SSBP2: variants seen among roughly 807,000 people sequenced by gnomAD.
SSBP2 encodes the protein single-stranded DNA-binding protein 2.
In SSBP2, 17 loss-of-function variants were observed where a neutral mutation model predicts 61.8. The observed-to-expected ratio is 0.28, with a 90% CI of 0.19 to 0.41. The LOEUF (loss-of-function observed/expected upper bound fraction) is 0.41. Among genes scored for constraint, SSBP2 ranks in the 10% least tolerant of loss-of-function variants. The pLI is 1.00. For synonymous variants in SSBP2, 139 were observed against 141.3 expected (o/e 0.98, Z 0.12); for missense variants, 310 against 458.7 (o/e 0.68, Z 2.96).
At chr5:81,590,950 G>A (rs542871856) in intron 4 of SSBP2, among the ~76,000 whole-genome samples, 95 of 152,286 alleles carry the variant, frequency 6.2e-4, no homozygotes, top group Non-Finnish European at 1.0e-3. Context: ...CCCCTGAGAC[G>A]CAGGGAAACA....
intron 15 of SSBP2, among the ~76,000 whole-genome samples, chr5:81,433,454 A>G (rs1376499794): frequency 1.3e-5 from 2 of 152,058 alleles, no homozygotes; most frequent in South Asian, 4.1e-4. Flanking sequence ...TCAAGTACCC[A>G]GGGACACAAA....
chr5:81,436,298 G>C (rs1004649705), intron 15 of SSBP2, among the ~76,000 whole-genome samples: 2 of 148,320 alleles, frequency 1.3e-5, no homozygotes, highest in East Asian at 4.1e-4. Context: ...AGGCAATTTT[G>C]TTTTGAAAAC....
At chr5:81,665,193 G>A (rs1007842751) in intron 1 of SSBP2, among the ~76,000 whole-genome samples, 16 of 152,162 alleles carry the variant, frequency 1.1e-4, no homozygotes, top group Non-Finnish European at 1.9e-4. Context: ...CCATCCATGA[G>A]CATAGATGGT....
intron 1 of SSBP2, among the ~76,000 whole-genome samples, chr5:81,718,780 G>A (rs1309912263): frequency 6.6e-6 from 1 of 152,168 alleles, no homozygotes; most frequent in East Asian, 1.9e-4. Flanking sequence ...GGAAATCTAA[G>A]TAAGAAATGC....
At chr5:81,733,833 GGGC>G (rs1756424702) in intron 1 of SSBP2, among the ~76,000 whole-genome samples, 21 of 152,064 alleles carry the variant, frequency 1.4e-4, no homozygotes, top group Admixed American at 1.4e-3. Context: ...TGTCTGAATA[GGGC>G]TCTGAATACT....
chr5:81,534,666 C>A (rs979663072), intron 4 of SSBP2, among the ~76,000 whole-genome samples: 7 of 151,676 alleles, frequency 4.6e-5, no homozygotes, highest in Non-Finnish European at 1.0e-4. Context: ...ACAGGAAAGT[C>A]AAGAGAAAAA....
intron 5 of SSBP2, among the ~76,000 whole-genome samples, chr5:81,509,219 C>T (rs945068765): frequency 1.3e-5 from 2 of 152,178 alleles, no homozygotes; most frequent in Admixed American, 6.5e-5. Context: ...CACATCAGCT[C>T]TTTTCCAGTT....
chr5:81,521,225 T>C (rs1163037990), intron 4 of SSBP2, among the ~76,000 whole-genome samples: 2 of 152,004 alleles, frequency 1.3e-5, no homozygotes, highest in Admixed American at 6.6e-5. Context: ...ATTTTTCCTA[T>C]TCTATATCTC....
At chr5:81,698,151 G>C (rs1272390259) in intron 1 of SSBP2, among the ~76,000 whole-genome samples, 1 of 152,014 alleles carries the variant, frequency 6.6e-6, no homozygotes, top group Non-Finnish European at 1.5e-5. Flanking sequence ...GAAAGTAAAA[G>C]ATCTGTAATA....
chr5:81,663,189 C>G (rs1750833784), intron 1 of SSBP2, among the ~76,000 whole-genome samples: 1 of 152,148 alleles, frequency 6.6e-6, no homozygotes, highest in African/African-American at 2.4e-5. Context: ...TGTGGATTCA[C>G]AAACAAGTTT....
At chr5:81,449,329 A>G (rs1763614285) in intron 10 of SSBP2, among the ~76,000 whole-genome samples, 1 of 152,238 alleles carries the variant, frequency 6.6e-6, no homozygotes, top group South Asian at 2.1e-4. Context: ...TCTAGAGATT[A>G]GAAGGTATTA....
intron 1 of SSBP2, among the ~76,000 whole-genome samples, chr5:81,708,756 A>G (rs1248129659): frequency 1.3e-5 from 2 of 151,996 alleles, no homozygotes; most frequent in South Asian, 2.1e-4. Flanking sequence ...TTTTTCAGCT[A>G]AAGACTTTTC....
chr5:81,458,753 A>G (rs939294768), intron 10 of SSBP2, among the ~76,000 whole-genome samples: 1 of 152,198 alleles, frequency 6.6e-6, no homozygotes, highest in Non-Finnish European at 1.5e-5. Context: ...AAAATGATCC[A>G]TGGTTTTTGG....
At chr5:81,601,725 T>G (rs572279815) in intron 4 of SSBP2, among the ~76,000 whole-genome samples, 1 of 152,220 alleles carries the variant, frequency 6.6e-6, no homozygotes, top group Non-Finnish European at 1.5e-5. Flanking sequence ...GTCCCCATAA[T>G]CACCAAAGCA....
chr5:81,523,414 GT>G (rs1039975290), intron 4 of SSBP2, among the ~76,000 whole-genome samples: 3 of 151,774 alleles, frequency 2.0e-5, no homozygotes, highest in Non-Finnish European at 4.4e-5. Context: ...TAAGCAATTT[GT>G]TTCGAGAAAA....
intron 4 of SSBP2, among the ~76,000 whole-genome samples, chr5:81,607,625 T>C (rs1745008417): frequency 6.6e-6 from 1 of 152,220 alleles, no homozygotes; most frequent in Non-Finnish European, 1.5e-5. Context: ...CCAAAACTTC[T>C]GGAAGAAGCC....
chr5:81,605,435 T>C (rs1744781616), intron 4 of SSBP2, among the ~76,000 whole-genome samples: 1 of 152,150 alleles, frequency 6.6e-6, no homozygotes, highest in African/African-American at 2.4e-5. Context: ...ATTAAATAAA[T>C]CAACTCTAGT....
rs1169106870 is a variant in SSBP2, at chr5:81,501,256, TATATATATATATAC to T, written c.373-11961_373-11948del. 6.7e-4 allele frequency among the ~76,000 whole-genome samples: 37 copies of T among 55,482 alleles called. 3 individuals carry two copies. Among genetic ancestry groups the T allele is most frequent in the Middle Eastern group, 6.8e-3 (1 of 146 alleles). 36.4% of individuals were successfully genotyped at this position (55,482 alleles called of 152,430 possible). On this transcript the variant is annotated intron_variant, in intron 5 of 16. Transcript: ENST00000320672. ...ATATATATATATATATATATATATA[TATATATATATATAC>T]ACACACACACACATGCACATACACC...
chr5:81,577,088 A>C (rs1235649405), intron 4 of SSBP2, among the ~76,000 whole-genome samples: 1 of 152,086 alleles, frequency 6.6e-6, no homozygotes, highest in Non-Finnish European at 1.5e-5. Context: ...TACATCATAT[A>C]AAATTATGCT....
Sources: allele counts gnomAD v4.1 joint callset (sites outside exome capture counted in the v4.1 genomes callset), GRCh38; gene constraint gnomAD v4.1.1; transcripts MANE v1.5; gene names NCBI Gene and HGNC (gene_info 2026-07-23, HGNC 2026-07-21).